CERT1: variants seen among roughly 807,000 people sequenced by gnomAD.
CERT1 encodes ceramide transporter 1.
CERT1 carries 31 observed loss-of-function variants against 87.9 expected under a neutral mutation model. That is an observed-to-expected ratio of 0.35 (90% confidence interval 0.27 to 0.48). CERT1 has a LOEUF of 0.48. Among genes scored for constraint, CERT1 ranks in the 20% least tolerant of loss-of-function variants. CERT1 has a pLI of 0.99. For synonymous variants in CERT1, 289 were observed against 250.9 expected (o/e 1.15, Z -1.44); for missense variants, 487 against 758.0 (o/e 0.64, Z 4.20).
At chr5:75,472,077 G>T (rs563693514) in intron 2 of CERT1, among the ~76,000 whole-genome samples, 14 of 152,260 alleles carry the variant, frequency 9.2e-5, no homozygotes, top group Admixed American at 2.0e-4. Flanking sequence ...CATAAAAATA[G>T]ACACACAGAC....
intron 2 of CERT1, among the ~76,000 whole-genome samples, chr5:75,504,395 C>A (rs935400873): frequency 6.6e-6 from 1 of 152,126 alleles, no homozygotes; most frequent in African/African-American, 2.4e-5. Context: ...ATCAACACTT[C>A]CAAATATTTC....
intron 9 of CERT1, 27 bp downstream of exon 9, chr5:75,402,945 G>T: frequency 7.1e-7 from 1 of 1,405,638 alleles, no homozygotes; most frequent in South Asian, 1.2e-5. Context: ...ATAAATTTCA[G>T]CTTAGAATTT....
chr5:75,368,954 C>T (rs1286217602), intron 17 of CERT1: 2 of 152,038 alleles, frequency 1.3e-5, no homozygotes, highest in Non-Finnish European at 1.5e-5. Context: ...GCTGTATCAC[C>T]CAGGCTGGAG....
At chr5:75,372,043 T>G (rs1045645084) in intron 17 of CERT1, 3 of 152,190 alleles carry the variant, frequency 2.0e-5, no homozygotes, top group Non-Finnish European at 4.4e-5. Context: ...AATACAAATA[T>G]TTTAGTGTAA....
At chr5:75,395,707 C>G (rs151212964) in intron 11 of CERT1, among the ~76,000 whole-genome samples, 2 of 151,646 alleles carry the variant, frequency 1.3e-5, no homozygotes, top group Non-Finnish European at 2.9e-5. Flanking sequence ...ACTAAAAATA[C>G]AAAAATTAGC....
chr5:75,425,999 A>G (rs1299221141), intron 4 of CERT1, among the ~76,000 whole-genome samples: 2 of 152,218 alleles, frequency 1.3e-5, no homozygotes, highest in Non-Finnish European at 2.9e-5. Context: ...TAAAAAACTG[A>G]GTAGTATAAA....
At chr5:75,443,662 C>G (rs925508670) in intron 3 of CERT1, among the ~76,000 whole-genome samples, 4 of 152,144 alleles carry the variant, frequency 2.6e-5, no homozygotes, top group Non-Finnish European at 5.9e-5. Flanking sequence ...GTACAGTGTT[C>G]TGTATATGTC....
chr5:75,438,402 TAAGG>T (rs970063605), intron 3 of CERT1, among the ~76,000 whole-genome samples: 6 of 152,190 alleles, frequency 3.9e-5, no homozygotes, highest in African/African-American at 1.2e-4. Flanking sequence ...GAAGCAGGGT[TAAGG>T]AAGTAAGGAT....
intron 16 of CERT1, among the ~76,000 whole-genome samples, chr5:75,380,611 A>AC (rs1761531771): frequency 6.6e-6 from 1 of 151,734 alleles, no homozygotes; most frequent in Non-Finnish European, 1.5e-5. Context: ...AGATGGTGAA[A>AC]CCCCGTCTCT....
intron 10 of CERT1, among the ~76,000 whole-genome samples, chr5:75,399,908 G>A (rs566115861): frequency 2.0e-5 from 3 of 152,320 alleles, no homozygotes; most frequent in Non-Finnish European, 2.9e-5. Flanking sequence ...GGAGGCTGAG[G>A]TGGGTGGATC....
chr5:75,502,365 G>A (rs1317018082), intron 2 of CERT1, among the ~76,000 whole-genome samples: 1 of 152,092 alleles, frequency 6.6e-6, no homozygotes, highest in African/African-American at 2.4e-5. Flanking sequence ...GTGAGGAGTG[G>A]TACTCTTGAA....
chr5:75,479,713 A>G (rs1434202711), intron 2 of CERT1, among the ~76,000 whole-genome samples: 2 of 152,100 alleles, frequency 1.3e-5, no homozygotes, highest in Non-Finnish European at 2.9e-5. Context: ...GGTTGACTCC[A>G]TGTCTTTTTT....
rs556130884 is a variant in CERT1, at chr5:75,511,449, G to A, written c.-242C>T. On this transcript the variant is annotated 5_prime_UTR_variant, in exon 1 of 17. Transcript: ENST00000643780. ...CCTACCCTTCCAGCCGTCAGCCGCC[G>A]CCGCCGTCGCCGTGACCCCTGCGTT... 7.4e-5 allele frequency: 114 copies of A among 1,532,450 alleles called. 1 individual carries two copies. In the African/African-American group the frequency reaches 1.4e-3, roughly 19 times the overall value. The allele number at this position is 1,532,450 out of a possible 1,614,324, so 94.9% of individuals were successfully genotyped here. A position where few individuals can be genotyped will look rare whatever the true frequency, so the allele number is the denominator to read the frequency against.
chr5:75,454,336 TTAAA>T (rs2112292224), intron 3 of CERT1, among the ~76,000 whole-genome samples: 1 of 152,358 alleles, frequency 6.6e-6, no homozygotes, highest in South Asian at 2.1e-4. Flanking sequence ...GATTACATTC[TTAAA>T]TAAATGTGGT....
intron 1 of CERT1, among the ~76,000 whole-genome samples, chr5:75,509,637 A>C (rs1012883190): frequency 2.0e-5 from 3 of 151,768 alleles, no homozygotes; most frequent in Admixed American, 6.6e-5. Flanking sequence ...CCCAACCCCC[A>C]AAAAAGTAAT....
intron 11 of CERT1, among the ~76,000 whole-genome samples, chr5:75,393,199 T>C (rs1413588375): frequency 1.3e-5 from 2 of 151,982 alleles, no homozygotes; most frequent in East Asian, 3.9e-4. Flanking sequence ...TTCTAAGTTT[T>C]AATTAGGCTA....
In CERT1 at chr5:75,385,574, T is replaced by C. The variant is rs555964796; in HGVS notation, c.1417+328A>G. ...TAGATGATGAAACAGAAATCTTCAA[T>C]TTCAGTCTTGGCTTCTCCACCATAT... On this transcript the variant is annotated intron_variant, in intron 13 of 16. Coordinates refer to ENST00000643780, the MANE Select transcript of CERT1 (RefSeq NM_001379029.1). Among the ~76,000 whole-genome samples, 32 of 152,334 alleles carry C rather than the reference T, an allele frequency of 2.1e-4. 1 individual carries two copies. The South Asian group carries it at 6.6e-3, about 32-fold the overall frequency.
chr5:75,446,920 C>A (rs1201199176), intron 3 of CERT1, among the ~76,000 whole-genome samples: 2 of 152,196 alleles, frequency 1.3e-5, no homozygotes, highest in African/African-American at 4.8e-5. Flanking sequence ...TCACTACAGC[C>A]AGAGGGGGAG....
intron 3 of CERT1, among the ~76,000 whole-genome samples, chr5:75,448,874 A>G (rs1764662007): frequency 3.3e-5 from 5 of 152,146 alleles, no homozygotes; most frequent in South Asian, 4.1e-4. Flanking sequence ...ACCTTTTTTT[A>G]TAACTTGTTA....
Sources: gnomAD v4.1 joint callset for allele counts (sites outside exome capture counted in the v4.1 genomes callset) on GRCh38, gnomAD v4.1.1 for gene constraint, MANE v1.5 for transcripts, NCBI Gene and HGNC (gene_info 2026-07-23, HGNC 2026-07-21) for gene names.